The following CDH13 variants were observed in gnomAD, a reference collection of about 807,000 sequenced individuals.
CDH13 encodes the protein cadherin 13, also known as cadherin-13.
A neutral mutation model predicts 63.8 loss-of-function variants in CDH13; 24 were observed. That is an observed-to-expected ratio of 0.38 (90% CI 0.27 to 0.53). The LOEUF is 0.53. Ranked by LOEUF, CDH13 falls within the 20% of genes least tolerant of loss-of-function variation. The probability of loss-of-function intolerance (pLI) is 0.85; values close to 1 mark genes in which losing one functional copy is unlikely to be tolerated. For missense variants in CDH13, 1,049 were observed against 903.1 expected, an observed-to-expected ratio of 1.16 and a Z score of -2.07; for synonymous variants, 503 against 355.3, an observed-to-expected ratio of 1.42 and a Z score of -4.67.
intron 4 of CDH13, among the ~76,000 whole-genome samples, chr16:83,205,477 G>T (rs115345307): frequency 0.013 from 2,026 of 152,202 alleles, 48 homozygotes; most frequent in African/African-American, 0.046. Context: ...AGAGTTTATT[G>T]AGCAGTGGTC....
intron 10 of CDH13, among the ~76,000 whole-genome samples, chr16:83,684,603 T>A (rs565539976): frequency 6.6e-6 from 1 of 152,172 alleles, no homozygotes; most frequent in African/African-American, 2.4e-5. Context: ...ATTCCAAACA[T>A]TTTTCAGACA....
intron 1 of CDH13, among the ~76,000 whole-genome samples, chr16:82,677,603 G>A (rs1005691039): frequency 1.3e-5 from 2 of 152,216 alleles, no homozygotes; most frequent in South Asian, 2.1e-4. Flanking sequence ...GGAAATCAGA[G>A]CTCATTCTAA....
intron 1 of CDH13, among the ~76,000 whole-genome samples, chr16:82,793,163 A>G (rs72805963): frequency 0.23 from 34,778 of 152,248 alleles, 4,235 homozygotes; most frequent in South Asian, 0.37. Flanking sequence ...TGGAAGCGGC[A>G]TCAGTGCATC....
intron 1 of CDH13, among the ~76,000 whole-genome samples, chr16:82,705,893 T>G (rs764830812): frequency 4.6e-5 from 7 of 152,178 alleles, no homozygotes; most frequent in Admixed American, 2.0e-4. Context: ...ACAGGTTTAG[T>G]CATCTGGCAT....
At chr16:82,723,838 G>A (rs536344285) in intron 1 of CDH13, among the ~76,000 whole-genome samples, 1 of 152,282 alleles carries the variant, frequency 6.6e-6, no homozygotes, top group African/African-American at 2.4e-5. Context: ...TAGGTTCTCA[G>A]TGTTGAGCAA....
intron 6 of CDH13, among the ~76,000 whole-genome samples, chr16:83,360,361 C>A (rs1437773951): frequency 6.6e-6 from 1 of 152,128 alleles, no homozygotes; most frequent in Non-Finnish European, 1.5e-5. Flanking sequence ...AGCAGCAGGG[C>A]TCAATATATG....
At chr16:83,334,291 C>G (rs1294627384) in intron 5 of CDH13, among the ~76,000 whole-genome samples, 2 of 150,422 alleles carry the variant, frequency 1.3e-5, no homozygotes, top group East Asian at 1.9e-4. Flanking sequence ...CTTTCTCTCT[C>G]TCTCCCTCTC....
intron 4 of CDH13, among the ~76,000 whole-genome samples, chr16:83,180,048 C>G (rs531159622): frequency 6.6e-6 from 1 of 152,170 alleles, no homozygotes; most frequent in African/African-American, 2.4e-5. Context: ...TAAAAGTAAA[C>G]TTTGTTTTAC....
chr16:83,484,789 C>A (rs1477361698), intron 6 of CDH13, among the ~76,000 whole-genome samples: 1 of 152,154 alleles, frequency 6.6e-6, no homozygotes, highest in East Asian at 1.9e-4. Context: ...TGTGTGTAAG[C>A]ATGTTCACAA....
chr16:82,734,389 A>G (rs1222565783), intron 1 of CDH13, among the ~76,000 whole-genome samples: 2 of 152,214 alleles, frequency 1.3e-5, no homozygotes, highest in Non-Finnish European at 2.9e-5. Flanking sequence ...GACAGGCAGC[A>G]CATAGGAGTC....
At chr16:83,676,935 C>T (rs1245536544) in intron 9 of CDH13, among the ~76,000 whole-genome samples, 1 of 152,218 alleles carries the variant, frequency 6.6e-6, no homozygotes, top group Non-Finnish European at 1.5e-5. Flanking sequence ...TTCATTTTCC[C>T]ATGTCCACTG....
At chr16:83,221,550 A>G (rs1311048219) in intron 5 of CDH13, among the ~76,000 whole-genome samples, 1 of 152,174 alleles carries the variant, frequency 6.6e-6, no homozygotes, top group Non-Finnish European at 1.5e-5. Context: ...AGCAGGTGGT[A>G]ATGATTCCCT....
intron 6 of CDH13, among the ~76,000 whole-genome samples, chr16:83,466,075 C>T (rs527432973): frequency 7.2e-5 from 11 of 152,266 alleles, no homozygotes; most frequent in African/African-American, 2.4e-4. Flanking sequence ...GGCAGGACCA[C>T]CCCCCGCAAC....
chr16:83,270,163 G>T (rs1259005191), intron 5 of CDH13, among the ~76,000 whole-genome samples: 6 of 152,126 alleles, frequency 3.9e-5, no homozygotes, highest in Admixed American at 3.9e-4. Flanking sequence ...ACACAGCAGG[G>T]CAATAATCTA....
Position 82,639,320 on chromosome 16 carries a change from C to G in CDH13, c.45+12183C>G, listed in dbSNP as rs1372746719. 2.1e-6 allele frequency: 3 copies of G among 1,426,118 alleles called. No homozygotes were observed. In the East Asian group the frequency reaches 7.5e-5, roughly 35 times the overall value. 88.3% of individuals were successfully genotyped at this position (1,426,118 alleles called of 1,614,324 possible). On this transcript the variant is annotated intron_variant, in intron 1 of 13. Coordinates refer to ENST00000567109, the MANE Select transcript of CDH13 (RefSeq NM_001257.5). ...CTTCAGAACAGGGTCAGCCCGGGGT[C>G]ATTTGTGTTCTTTGTCTCCATGTCC...
intron 6 of CDH13, among the ~76,000 whole-genome samples, chr16:83,400,053 T>C (rs1046793100): frequency 6.6e-6 from 1 of 152,172 alleles, no homozygotes; most frequent in Non-Finnish European, 1.5e-5. Flanking sequence ...TCCCTTATAA[T>C]GCCTGTCTTA....
intron 7 of CDH13, among the ~76,000 whole-genome samples, chr16:83,587,942 A>T (rs1461447094): frequency 7.2e-6 from 1 of 138,858 alleles, no homozygotes; most frequent in Admixed American, 7.2e-5. Context: ...ATTCTCTTAT[A>T]CCTCTTTTTT....
intron 1 of CDH13, among the ~76,000 whole-genome samples, chr16:82,715,180 A>T (rs1230908627): frequency 6.6e-6 from 1 of 151,516 alleles, no homozygotes; most frequent in African/African-American, 2.4e-5. Flanking sequence ...CATGAAGCAC[A>T]TTAAGCCAGG....
intron 1 of CDH13, among the ~76,000 whole-genome samples, chr16:82,757,667 C>G: frequency 1.1e-5 from 1 of 87,602 alleles, no homozygotes; most frequent in African/African-American, 3.2e-5. Context: ...TTTTTGGGGA[C>G]AGAGTCTCTC....
Sources: gnomAD v4.1 joint callset for allele counts (sites outside exome capture counted in the v4.1 genomes callset) on GRCh38, gnomAD v4.1.1 for gene constraint, MANE v1.5 for transcripts, NCBI Gene and HGNC (gene_info 2026-07-23, HGNC 2026-07-21) for gene names.